The following SLC4A4 variants were observed in gnomAD, a reference collection of about 807,000 sequenced individuals.
SLC4A4 encodes the protein solute carrier family 4 member 4, also known as electrogenic sodium bicarbonate cotransporter 1.
Under a neutral mutation model 111.5 loss-of-function variants are expected in SLC4A4, and 27 were observed. That is an observed-to-expected ratio of 0.24 (90% CI 0.18 to 0.33). The LOEUF is 0.33. Among genes scored for constraint, SLC4A4 ranks in the 10% least tolerant of loss-of-function variants. The probability of loss-of-function intolerance (pLI) is 1.00; values close to 1 mark genes in which losing one functional copy is unlikely to be tolerated. For missense variants in SLC4A4, 909 were observed against 1,315.5 expected, an observed-to-expected ratio of 0.69 and a Z score of 4.78; for synonymous variants, 443 against 463.4, an observed-to-expected ratio of 0.96 and a Z score of 0.57.
chr4:71,331,314 A>G (rs1727966625), intron 3 of SLC4A4, among the ~76,000 whole-genome samples: 1 of 152,238 alleles, frequency 6.6e-6, no homozygotes, highest in Non-Finnish European at 1.5e-5. Flanking sequence ...CGTAATAGCA[A>G]AGACTTGGAA....
chr4:71,228,579 A>G (rs1397282732), intron 1 of SLC4A4, among the ~76,000 whole-genome samples: 2 of 152,234 alleles, frequency 1.3e-5, no homozygotes, highest in African/African-American at 4.8e-5. Context: ...GCTTACACAC[A>G]AAGTGTGCAT....
chr4:71,175,375 C>T (rs1043700563), intron 2 of SLC4A4, among the ~76,000 whole-genome samples: 1 of 152,196 alleles, frequency 6.6e-6, no homozygotes, highest in Non-Finnish European at 1.5e-5. Context: ...CGAAGCAGGG[C>T]GAGGCATCGC....
intron 7 of SLC4A4, among the ~76,000 whole-genome samples, chr4:71,415,639 A>C (rs1721761322): frequency 6.6e-6 from 1 of 152,218 alleles, no homozygotes; most frequent in Admixed American, 6.5e-5. Flanking sequence ...GTATTGGTGA[A>C]ATATTTGCTT....
intron 7 of SLC4A4, among the ~76,000 whole-genome samples, chr4:71,426,107 T>C (rs1723103849): frequency 2.6e-5 from 4 of 152,208 alleles, no homozygotes; most frequent in Admixed American, 2.6e-4. Context: ...AAAGTAAGGC[T>C]GGAATTTTTT....
chr4:71,305,599 T>G (rs1725616903), intron 3 of SLC4A4, among the ~76,000 whole-genome samples: 1 of 152,266 alleles, frequency 6.6e-6, no homozygotes, highest in Non-Finnish European at 1.5e-5. Flanking sequence ...AGCTGGGATA[T>G]GCAAAACCTT....
chr4:71,365,976 C>T (rs1050581332), intron 6 of SLC4A4, among the ~76,000 whole-genome samples: 16 of 152,208 alleles, frequency 1.1e-4, no homozygotes, highest in African/African-American at 3.6e-4. Flanking sequence ...ATCACCCGGT[C>T]CAGGTCTCAT....
chr4:71,531,493 T>C (rs1733911475), intron 16 of SLC4A4, among the ~76,000 whole-genome samples: 1 of 152,086 alleles, frequency 6.6e-6, no homozygotes, highest in Non-Finnish European at 1.5e-5. Context: ...GAGGTCTTGA[T>C]ATTTACTTCA....
At chr4:71,339,277 C>T in intron 3 of SLC4A4, 93 bp from the exon 4 acceptor site, 1 of 1,614,108 alleles carries the variant, frequency 6.2e-7, no homozygotes, top group South Asian at 1.1e-5. Flanking sequence ...GAAGGGAAGC[C>T]CAGTAACCTT....
intron 9 of SLC4A4, among the ~76,000 whole-genome samples, chr4:71,448,319 CAAAAA>C (rs5859260): frequency 1.1e-5 from 1 of 89,632 alleles, no homozygotes. Context: ...GATTCCATCT[CAAAAA>C]AAAAAAAAAA....
chr4:71,440,841 G>T (rs979948246), intron 8 of SLC4A4, 68 bp downstream of exon 8: 3 of 1,524,246 alleles, frequency 2.0e-6, no homozygotes, highest in Non-Finnish European at 2.7e-6. Context: ...TCAGGCTGGA[G>T]AATCAATAGA....
intron 16 of SLC4A4, among the ~76,000 whole-genome samples, chr4:71,510,712 C>A (rs1731838426): frequency 6.6e-6 from 1 of 152,108 alleles, no homozygotes; most frequent in Non-Finnish European, 1.5e-5. Context: ...CATTTACATT[C>A]AAGGTAACTT....
Position 71,389,464 on chromosome 4 carries a change from A to C in SLC4A4, c.731-8113A>C, listed in dbSNP as rs59822510. ...AGCTGAGATCCTTACACTCTGCCTT[A>C]TTTCTCCTCCATCCTCACATCCTCA... On this transcript the variant is annotated intron_variant, in intron 6 of 25. Transcript: ENST00000264485. Among the ~76,000 whole-genome samples the C allele has an allele frequency of 2.3e-3, 355 of 152,118 alleles. 1 individual carries two copies. The highest frequency in any genetic ancestry group is 8.0e-3 in the African/African-American group (332 of 41,496).
At chr4:71,365,245 C>T (rs1213013475) in intron 6 of SLC4A4, among the ~76,000 whole-genome samples, 3 of 151,974 alleles carry the variant, frequency 2.0e-5, no homozygotes, top group Admixed American at 2.0e-4. Context: ...TTCTTCATTC[C>T]CCTTTCCTGG....
At chr4:71,422,939 G>A (rs1223452820) in intron 7 of SLC4A4, among the ~76,000 whole-genome samples, 1 of 152,188 alleles carries the variant, frequency 6.6e-6, no homozygotes, top group Non-Finnish European at 1.5e-5. Flanking sequence ...AGACAGGGCT[G>A]CCCTCTCTCA....
intron 1 of SLC4A4, among the ~76,000 whole-genome samples, chr4:71,201,211 A>G (rs1283848296): frequency 1.3e-5 from 2 of 152,144 alleles, no homozygotes; most frequent in African/African-American, 4.8e-5. Flanking sequence ...GAAGAGCAAG[A>G]CAGTAACAGA....
chr4:71,490,742 G>A (rs532869611), intron 15 of SLC4A4, among the ~76,000 whole-genome samples: 18 of 151,874 alleles, frequency 1.2e-4, no homozygotes, highest in Admixed American at 4.6e-4. Context: ...GGCAAAGACC[G>A]TGAGAAAATT....
intron 16 of SLC4A4, among the ~76,000 whole-genome samples, chr4:71,503,062 T>C (rs1731091441): frequency 6.6e-6 from 1 of 152,114 alleles, no homozygotes; most frequent in Admixed American, 6.6e-5. Context: ...GATTCTTTTA[T>C]TATTATATAA....
At chr4:71,516,797 T>A (rs1732440824) in intron 16 of SLC4A4, among the ~76,000 whole-genome samples, 1 of 152,246 alleles carries the variant, frequency 6.6e-6, no homozygotes, top group Non-Finnish European at 1.5e-5. Context: ...TGGTCTCTCC[T>A]ATGTGTTCTA....
chr4:71,364,688 T>C (rs1274172392), intron 6 of SLC4A4, among the ~76,000 whole-genome samples: 1 of 152,230 alleles, frequency 6.6e-6, no homozygotes, highest in African/African-American at 2.4e-5. Context: ...CTTTTAATAC[T>C]ATTGCATTGG....
Sources: allele counts gnomAD v4.1 joint callset (sites outside exome capture counted in the v4.1 genomes callset), GRCh38; gene constraint gnomAD v4.1.1; transcripts MANE v1.5; gene names NCBI Gene and HGNC (gene_info 2026-07-23, HGNC 2026-07-21).